ROBO2: variants seen among roughly 807,000 people sequenced by gnomAD.
ROBO2 encodes roundabout guidance receptor 2.
Under a neutral mutation model 160.8 loss-of-function variants are expected in ROBO2, and 53 were observed. The ratio of observed to expected loss-of-function variants is 0.33; its 90% CI spans 0.26 to 0.41. The LOEUF (loss-of-function observed/expected upper bound fraction) is 0.41, where lower values mean the gene tolerates loss of function less well. ROBO2 is among the 10% of genes least tolerant of loss of function. The probability of loss-of-function intolerance (pLI) is 1.00; values close to 1 mark genes in which losing one functional copy is unlikely to be tolerated. For missense variants in ROBO2, 1,577 were observed against 1,722.4 expected (o/e 0.92, Z 1.49); for synonymous variants, 664 against 611.7 (o/e 1.09, Z -1.26).
chr3:77,614,034 T>A (rs1017667029), intron 21 of ROBO2, among the ~76,000 whole-genome samples: 1 of 152,128 alleles, frequency 6.6e-6, no homozygotes, highest in African/African-American at 2.4e-5. Flanking sequence ...CAAAGAAAGA[T>A]GAAAACAAAT....
At position 77,387,332 on chromosome 3, in the gene ROBO2, G is replaced by A. The variant is rs528786363; in HGVS notation, c.389-90082G>A. On this transcript the variant is annotated intron_variant, in intron 2 of 25. Coordinates refer to ENST00000461745, the Ensembl canonical transcript of ROBO2. Reference sequence around the variant, plus strand: ...AACCTGGCCAACATAGGGAAACCCCGTCTCTCAAAAAAAAAAAAAAAATGA... The same window carrying A: ...AACCTGGCCAACATAGGGAAACCCCATCTCTCAAAAAAAAAAAAAAAATGA... 2.5e-3 allele frequency among the ~76,000 whole-genome samples: 237 copies of A among 93,480 alleles called. 1 individual carries two copies. Among genetic ancestry groups the A allele is most frequent in the African/African-American group, 9.3e-3 (220 of 23,568 alleles). 61.3% of individuals were successfully genotyped at this position (93,480 alleles called of 152,430 possible).
chr3:76,040,793 G>A (rs989394431), intron 2 of ROBO2, among the ~76,000 whole-genome samples: 2 of 151,998 alleles, frequency 1.3e-5, no homozygotes, highest in Non-Finnish European at 2.9e-5. Context: ...TTCAAGTCCA[G>A]CCTGGCCAAC....
At chr3:76,747,317 T>C (rs754441182) in intron 2 of ROBO2, among the ~76,000 whole-genome samples, 8 of 152,148 alleles carry the variant, frequency 5.3e-5, no homozygotes, top group Non-Finnish European at 8.8e-5. Context: ...ACAATTTTCT[T>C]GTAAGTCTAA....
At chr3:76,145,320 A>G (rs1183980380) in intron 2 of ROBO2, among the ~76,000 whole-genome samples, 1 of 152,058 alleles carries the variant, frequency 6.6e-6, no homozygotes, top group African/African-American at 2.4e-5. Context: ...CATAAAAGAA[A>G]CATAGTCCCA....
chr3:76,155,252 G>A (rs1407988540), intron 2 of ROBO2, among the ~76,000 whole-genome samples: 1 of 152,122 alleles, frequency 6.6e-6, no homozygotes, highest in Non-Finnish European at 1.5e-5. Flanking sequence ...TTAACATTAT[G>A]TGCCTACTGA....
At chr3:76,747,365 C>T (rs1019869791) in intron 2 of ROBO2, among the ~76,000 whole-genome samples, 1 of 151,918 alleles carries the variant, frequency 6.6e-6, no homozygotes, top group Admixed American at 6.6e-5. Context: ...GGTATTTTTA[C>T]TGACATATAT....
At chr3:77,591,299 GC>G (rs953816130) in intron 17 of ROBO2, among the ~76,000 whole-genome samples, 4 of 152,078 alleles carry the variant, frequency 2.6e-5, no homozygotes, top group African/African-American at 9.7e-5. Context: ...AATGAGGCTT[GC>G]CTGCAACAGT....
chr3:76,855,766 T>C (rs1205271905), intron 2 of ROBO2, among the ~76,000 whole-genome samples: 1 of 152,212 alleles, frequency 6.6e-6, no homozygotes, highest in African/African-American at 2.4e-5. Context: ...TCTTAATTCA[T>C]AATGCATTCT....
chr3:76,703,414 G>T (rs1020092267), intron 2 of ROBO2, among the ~76,000 whole-genome samples: 1 of 152,036 alleles, frequency 6.6e-6, no homozygotes, highest in Non-Finnish European at 1.5e-5. Flanking sequence ...TGTGCAGAAC[G>T]TGCAGGTTTG....
intron 2 of ROBO2, among the ~76,000 whole-genome samples, chr3:77,293,702 C>A (rs1235982790): frequency 1.4e-5 from 2 of 139,504 alleles, no homozygotes; most frequent in African/African-American, 2.9e-5. Flanking sequence ...GAGGCTAGAA[C>A]AGTAAAGACA....
chr3:76,058,589 CTTTTTTTTTTTTT>C (rs10676074), intron 2 of ROBO2, among the ~76,000 whole-genome samples: 1 of 48,862 alleles, frequency 2.0e-5, no homozygotes, highest in Admixed American at 3.1e-4. Context: ...ACAGCAGAAA[CTTTTTTTTTTTTT>C]TTTTTTTTTT....
chr3:77,016,441 A>G (rs1224314562), intron 2 of ROBO2, among the ~76,000 whole-genome samples: 3 of 152,036 alleles, frequency 2.0e-5, no homozygotes, highest in Non-Finnish European at 4.4e-5. Context: ...CATTTTCCCT[A>G]TCTTCGTATG....
chr3:76,840,617 A>C (rs1384507709), intron 2 of ROBO2, among the ~76,000 whole-genome samples: 3 of 136,772 alleles, frequency 2.2e-5, no homozygotes, highest in Non-Finnish European at 4.6e-5. Flanking sequence ...CTCAAAAAAA[A>C]AAATTATATA....
Position 76,770,111 on chromosome 3 carries a change from T to A in ROBO2, c.110-327903T>A, listed in dbSNP as rs9834521. On this transcript the variant is annotated intron_variant, in intron 2 of 26. Transcript: ENST00000487694. ...TTTTTAAATTACCATCATGTAATGT[T>A]TTAATTCACTGGTTTAGACTGAACA... Among the ~76,000 whole-genome samples the A allele has an allele frequency of 9.4e-3, 1,426 of 151,570 alleles. 17 individuals carry two copies. Among genetic ancestry groups the A allele is most frequent in the African/African-American group, 0.032 (1,309 of 41,478 alleles).
intron 2 of ROBO2, among the ~76,000 whole-genome samples, chr3:77,467,437 C>A (rs1348945958): frequency 6.6e-6 from 1 of 152,144 alleles, no homozygotes; most frequent in African/African-American, 2.4e-5. Flanking sequence ...TGGTACCTAG[C>A]AGCCTAACTA....
chr3:76,793,305 C>T (rs1017927685), intron 2 of ROBO2, among the ~76,000 whole-genome samples: 3 of 151,790 alleles, frequency 2.0e-5, no homozygotes. Context: ...TATTATCTCA[C>T]CCTGATCATT....
intron 2 of ROBO2, among the ~76,000 whole-genome samples, chr3:76,798,259 G>GGAAAGAAGGAAAGAAAGAAA (rs2063890268): frequency 1.1e-5 from 1 of 94,198 alleles, no homozygotes; most frequent in African/African-American, 4.1e-5. Context: ...AAAGAAAGAA[G>GGAAAGAAGGAAAGAAAGAAA]GAAAGAAAGA....
intron 18 of ROBO2, 44 bp from the exon 20 acceptor site, chr3:77,596,579 G>A: frequency 6.2e-7 from 1 of 1,612,556 alleles, no homozygotes; most frequent in Non-Finnish European, 8.5e-7. Context: ...TCAAAATCTT[G>A]CATTGAGCTC....
At chr3:77,379,522 T>C (rs2073158506) in intron 2 of ROBO2, among the ~76,000 whole-genome samples, 1 of 152,206 alleles carries the variant, frequency 6.6e-6, no homozygotes, top group Non-Finnish European at 1.5e-5. Context: ...TCAGTAGCTG[T>C]AATGAATTAG....
Sources: allele counts gnomAD v4.1 joint callset (sites outside exome capture counted in the v4.1 genomes callset), GRCh38; gene constraint gnomAD v4.1.1; transcripts MANE v1.5; gene names NCBI Gene and HGNC (gene_info 2026-07-23, HGNC 2026-07-21).